The following EDIL3 variants were observed in gnomAD, a reference collection of about 807,000 sequenced individuals.
EDIL3 encodes EGF-like repeat and discoidin I-like domain-containing protein 3.
Under a neutral mutation model 67.4 loss-of-function variants are expected in EDIL3, and 37 were observed. That is an observed-to-expected ratio of 0.55 (90% CI 0.42 to 0.72). The LOEUF is 0.72. Ranked by LOEUF, EDIL3 falls within the 30% of genes least tolerant of loss-of-function variation. The pLI, the probability that EDIL3 is intolerant of heterozygous loss-of-function variation, is 0.00. For synonymous variants in EDIL3, 195 were observed against 196.3 expected, an observed-to-expected ratio of 0.99 and a Z score of 0.05; for missense variants, 527 against 586.3, an observed-to-expected ratio of 0.90 and a Z score of 1.04.
intron 6 of EDIL3, among the ~76,000 whole-genome samples, chr5:84,068,027 C>T (rs1295601208): frequency 1.3e-5 from 2 of 152,124 alleles, no homozygotes; most frequent in Non-Finnish European, 2.9e-5. Context: ...TTCAAAAAGA[C>T]AATATCCCTC....
chr5:84,337,049 C>A (rs572028666), intron 1 of EDIL3, among the ~76,000 whole-genome samples: 3 of 152,048 alleles, frequency 2.0e-5, no homozygotes, highest in Admixed American at 2.0e-4. Context: ...TACACCAGGC[C>A]AAGCAACTAA....
At chr5:84,091,099 T>A (rs1179282473) in intron 6 of EDIL3, among the ~76,000 whole-genome samples, 11 of 152,186 alleles carry the variant, frequency 7.2e-5, no homozygotes, top group Admixed American at 2.6e-4. Context: ...CCAAGAGTTG[T>A]CAAAGAGAGG....
intron 10 of EDIL3, among the ~76,000 whole-genome samples, chr5:83,960,646 C>T (rs1410563553): frequency 6.6e-6 from 1 of 150,936 alleles, no homozygotes; most frequent in Non-Finnish European, 1.5e-5. Context: ...TGGGCCTTAA[C>T]ATTCATTTGA....
chr5:84,100,449 T>A (rs1438490898), intron 6 of EDIL3, among the ~76,000 whole-genome samples: 1 of 152,050 alleles, frequency 6.6e-6, no homozygotes, highest in Non-Finnish European at 1.5e-5. Context: ...CTGGAAACCA[T>A]CACTCTTAGC....
intron 1 of EDIL3, among the ~76,000 whole-genome samples, chr5:84,331,920 C>T (rs1746880536): frequency 6.6e-6 from 1 of 152,060 alleles, no homozygotes; most frequent in Non-Finnish European, 1.5e-5. Context: ...ATTATTCGTG[C>T]CTAGAGTTAG....
intron 1 of EDIL3, among the ~76,000 whole-genome samples, chr5:84,285,139 A>G (rs1159545623): frequency 6.6e-6 from 1 of 152,240 alleles, no homozygotes; most frequent in Non-Finnish European, 1.5e-5. Flanking sequence ...ATGTTCTTGA[A>G]TAAGTGGGCC....
At chr5:84,242,231 CAA>C (rs566552784) in intron 2 of EDIL3, among the ~76,000 whole-genome samples, 1 of 130,748 alleles carries the variant, frequency 7.6e-6, no homozygotes. Flanking sequence ...GACTCTGTCT[CAA>C]AAAAAAAAAA....
chr5:83,987,962 A>C (rs922747284), intron 9 of EDIL3, among the ~76,000 whole-genome samples: 1 of 151,466 alleles, frequency 6.6e-6, no homozygotes, highest in East Asian at 1.9e-4. Context: ...TAGAAAGCAA[A>C]ATGGAACCTG....
chr5:84,324,682 A>G (rs1746719287), intron 1 of EDIL3, among the ~76,000 whole-genome samples: 1 of 151,890 alleles, frequency 6.6e-6, no homozygotes, highest in Non-Finnish European at 1.5e-5. Context: ...AACTAAGAAA[A>G]AAAAGAAAAA....
At chr5:84,056,680 G>T (rs1746453447) in intron 9 of EDIL3, among the ~76,000 whole-genome samples, 1 of 151,844 alleles carries the variant, frequency 6.6e-6, no homozygotes, top group African/African-American at 2.4e-5. Context: ...TTTTTAGCTG[G>T]TATATAAAAG....
At chr5:84,044,925 T>C (rs1031093543) in intron 9 of EDIL3, among the ~76,000 whole-genome samples, 4 of 152,080 alleles carry the variant, frequency 2.6e-5, no homozygotes, top group Admixed American at 1.3e-4. Flanking sequence ...AAAGAGTAGA[T>C]ACATTAGTCC....
chr5:83,991,553 C>A (rs1027362804), intron 9 of EDIL3, among the ~76,000 whole-genome samples: 2 of 152,138 alleles, frequency 1.3e-5, no homozygotes, highest in African/African-American at 4.8e-5. Flanking sequence ...CAACACTGTA[C>A]CCACAATCTT....
At chr5:84,208,849 A>G (rs1367558014) in intron 3 of EDIL3, among the ~76,000 whole-genome samples, 2 of 151,764 alleles carry the variant, frequency 1.3e-5, no homozygotes, top group African/African-American at 4.8e-5. Flanking sequence ...TAGAAATACC[A>G]TTTGACCCAG....
chr5:84,283,118 T>C (rs62363028), intron 1 of EDIL3, among the ~76,000 whole-genome samples: 3 of 151,960 alleles, frequency 2.0e-5, no homozygotes, highest in Non-Finnish European at 4.4e-5. Context: ...TCAGTATTCA[T>C]ATATAGGAGC....
At chr5:84,164,256 T>TTAATA (rs1748665198) in intron 4 of EDIL3, among the ~76,000 whole-genome samples, 2 of 152,140 alleles carry the variant, frequency 1.3e-5, no homozygotes, top group Non-Finnish European at 2.9e-5. Flanking sequence ...GGATACTTAC[T>TTAATA]GGATTTGAAC....
At chr5:84,149,170 G>C (rs191279638) in intron 4 of EDIL3, among the ~76,000 whole-genome samples, 1 of 151,632 alleles carries the variant, frequency 6.6e-6, no homozygotes, top group Admixed American at 6.6e-5. Flanking sequence ...TTGTAGAACA[G>C]AATATACCCA....
intron 1 of EDIL3, among the ~76,000 whole-genome samples, chr5:84,271,401 G>A (rs550682283): frequency 1.6e-4 from 23 of 147,956 alleles, no homozygotes; most frequent in Middle Eastern, 3.6e-3. Flanking sequence ...GCGACAGAGC[G>A]AGACTCTGTC....
intron 9 of EDIL3, among the ~76,000 whole-genome samples, chr5:84,017,694 G>A (rs868604965): frequency 5.3e-5 from 8 of 152,070 alleles, no homozygotes; most frequent in Admixed American, 2.6e-4. Flanking sequence ...TACAGCATGC[G>A]CACCCATTGG....
At chr5:84,037,583 A>C (rs1047312954) in intron 9 of EDIL3, among the ~76,000 whole-genome samples, 1 of 152,202 alleles carries the variant, frequency 6.6e-6, no homozygotes, top group African/African-American at 2.4e-5. Flanking sequence ...ATATTTTTTA[A>C]AAAAACAAAG....
Sources: gnomAD v4.1 joint callset for allele counts (sites outside exome capture counted in the v4.1 genomes callset) on GRCh38, gnomAD v4.1.1 for gene constraint, MANE v1.5 for transcripts, NCBI Gene and HGNC (gene_info 2026-07-23, HGNC 2026-07-21) for gene names.